HERC2: variants seen among roughly 807,000 people sequenced by gnomAD.
HERC2 encodes HECT and RLD domain containing E3 ubiquitin protein ligase 2.
In HERC2, 102 loss-of-function variants were observed where a neutral mutation model predicts 537.7. That is an observed-to-expected ratio of 0.19 (90% CI 0.16 to 0.22). The LOEUF (loss-of-function observed/expected upper bound fraction) is 0.22, where lower values mean the gene tolerates loss of function less well. HERC2 is among the 10% of genes least tolerant of loss of function. The probability of loss-of-function intolerance (pLI) is 1.00; values close to 1 mark genes in which losing one functional copy is unlikely to be tolerated. For synonymous variants in HERC2, 2,224 were observed against 2,466.2 expected (o/e 0.90, Z 2.91); for missense variants, 4,236 against 6,198.2 (o/e 0.68, Z 10.63).
intron 68 of HERC2, among the ~76,000 whole-genome samples, chr15:28,164,745 C>A (rs1016239204): frequency 3.9e-5 from 6 of 152,096 alleles, no homozygotes; most frequent in Non-Finnish European, 7.4e-5. Flanking sequence ...CTGGATAATG[C>A]CTATGTCTCA....
At position 28,265,089 on chromosome 15, in the gene HERC2, G is replaced by C. The variant is rs2075524820; in HGVS notation, c.1870+529C>G. 1.3e-5 allele frequency among the ~76,000 whole-genome samples: 2 copies of C among 152,086 alleles called. No individual in the cohort carries two copies. Among genetic ancestry groups the C allele is most frequent in the South Asian group, 4.1e-4 (2 of 4,828 alleles). ...ACTCCACAACGCCAGAGACACACAA[G>C]ATGCCAAGGACAGACCACCACAATA... On this transcript the variant is annotated intron_variant, in intron 14 of 92. Coordinates refer to ENST00000261609, the MANE Select transcript of HERC2 (RefSeq NM_004667.6). This position sits in a 1 kb window ranked among gnomAD's most constrained non-coding sequence, Gnocchi z 4.0.
At chr15:28,304,819 C>T (rs1288719007) in intron 2 of HERC2, among the ~76,000 whole-genome samples, 4 of 136,012 alleles carry the variant, frequency 2.9e-5, no homozygotes, top group Non-Finnish European at 4.7e-5. Context: ...ACTAACTCGT[C>T]ATCTAGCATT....
chr15:28,169,653 C>A lies in HERC2; in HGVS notation c.10060G>T (p.Val3354Leu). 1.2e-6 allele frequency: 2 copies of A among 1,601,682 alleles called. No homozygotes were observed. The highest frequency in any genetic ancestry group is 1.7e-6 in the Non-Finnish European group (2 of 1,175,916). ...GCAGAAGAATCAGCATCTGAAGGCA[C>A]GCCTATAAGAGGAAAATAAAATTTG... ...RDPLGASYLG[V>L]PSDADSSAAS... Residue 3354 changes from valine to leucine, a missense_variant and splice_region_variant, in exon 66 of 93, where the codon GTG (valine) becomes TTG (leucine). By Grantham distance (32) the Val-to-Leu change is conservative (BLOSUM62 1). Coordinates refer to ENST00000261609, the MANE Select transcript of HERC2 (RefSeq NM_004667.6).
At chr15:28,143,687 C>G (rs1891453158) in intron 74 of HERC2, among the ~76,000 whole-genome samples, 186 bp downstream of exon 74, 1 of 152,018 alleles carries the variant, frequency 6.6e-6, no homozygotes, top group Non-Finnish European at 1.5e-5. Flanking sequence ...ACCTCGTGAT[C>G]CGCCCACCTC....
In HERC2 at chr15:28,269,231, G is replaced by A. The variant is rs1246402971; in HGVS notation, c.1446+17C>T. On this transcript the variant is annotated intron_variant, in intron 11 of 92. Transcript: ENST00000261609. ...CCCGCAAGGGAACACTGCAGGCACA[G>A]TGCCCAGAACACTCACCAGCGTGTC... 1.2e-6 allele frequency: 2 copies of A among 1,607,878 alleles called. No individual in the cohort carries two copies. The highest frequency in any genetic ancestry group is 1.7e-4 in the Middle Eastern group (1 of 5,970).
At chr15:28,179,365 G>A in intron 57 of HERC2, 142 bp from the exon 58 acceptor site, 7 of 688,292 alleles carry the variant, frequency 1.0e-5, no homozygotes, top group South Asian at 7.9e-5. Flanking sequence ...CTACATATAC[G>A]ATGGCAGTCC....
chr15:28,290,671 C>G (rs1466870488), intron 4 of HERC2, among the ~76,000 whole-genome samples: 3 of 152,024 alleles, frequency 2.0e-5, no homozygotes, highest in Non-Finnish European at 2.9e-5. Context: ...TTGAAAATCC[C>G]CAAATACTTG....
intron 19 of HERC2, among the ~76,000 whole-genome samples, chr15:28,255,580 C>T (rs1352918961): frequency 6.6e-6 from 1 of 152,118 alleles, no homozygotes; most frequent in African/African-American, 2.4e-5. Context: ...GGGGAGTATC[C>T]TGGCTGCAAG....
At chr15:28,194,324 A>G (rs1373838003) in intron 52 of HERC2, among the ~76,000 whole-genome samples, 1 of 143,874 alleles carries the variant, frequency 7.0e-6, no homozygotes, top group East Asian at 2.2e-4. Context: ...CTCGCCTCCA[A>G]AAGTGCTGGG....
At chr15:28,305,200 G>T (rs1359605593) in intron 2 of HERC2, among the ~76,000 whole-genome samples, 1 of 149,388 alleles carries the variant, frequency 6.7e-6, no homozygotes, top group Admixed American at 6.7e-5. Context: ...CTTTATAGCA[G>T]CATGATTTAT....
chr15:28,214,916 G>A (rs763353828), intron 39 of HERC2, 114 bp from the exon 40 acceptor site: 34 of 836,646 alleles, frequency 4.1e-5, no homozygotes, highest in Middle Eastern at 3.6e-4. Flanking sequence ...ACTGTCACCC[G>A]GGCTGGAGTG....
At chr15:28,156,355 G>A (rs1025778084) in intron 69 of HERC2, among the ~76,000 whole-genome samples, 1 of 152,162 alleles carries the variant, frequency 6.6e-6, no homozygotes, top group Non-Finnish European at 1.5e-5. Flanking sequence ...ACCTTGGGCA[G>A]TATGGCCATT....
At chr15:28,124,345 A>G in intron 84 of HERC2, 111 bp from the exon 85 acceptor site, 2 of 653,722 alleles carry the variant, frequency 3.1e-6, no homozygotes, top group Non-Finnish European at 2.3e-6. Context: ...GAGAAGCACT[A>G]TGGTGTCTGA....
chr15:28,282,866 C>T (rs1487814682), intron 4 of HERC2, among the ~76,000 whole-genome samples: 4 of 151,166 alleles, frequency 2.6e-5, no homozygotes, highest in Admixed American at 6.6e-5. Flanking sequence ...AGGGAGGCGG[C>T]GGTTGCAGTG....
At chr15:28,168,199 G>A (rs1894340964) in intron 67 of HERC2, among the ~76,000 whole-genome samples, 1 of 152,154 alleles carries the variant, frequency 6.6e-6, no homozygotes, top group Non-Finnish European at 1.5e-5. Flanking sequence ...CTGTGAACTT[G>A]ATTTAATGGT....
chr15:28,169,910 C>T (rs937648197), intron 65 of HERC2, among the ~76,000 whole-genome samples: 2 of 152,152 alleles, frequency 1.3e-5, no homozygotes, highest in Non-Finnish European at 2.9e-5. Flanking sequence ...AATGCACTTA[C>T]AACAGTTTAT....
chr15:28,292,155 G>A (rs1230331659), intron 4 of HERC2, among the ~76,000 whole-genome samples: 1 of 150,502 alleles, frequency 6.6e-6, no homozygotes, highest in Non-Finnish European at 1.5e-5. Flanking sequence ...CTTGAACCTG[G>A]GAGGTGGAGA....
At chr15:28,150,174 C>T (rs552458167) in intron 70 of HERC2, among the ~76,000 whole-genome samples, 1 of 151,436 alleles carries the variant, frequency 6.6e-6, no homozygotes, top group South Asian at 2.1e-4. Flanking sequence ...AGTGAAATCA[C>T]GAAAAAAACG....
intron 78 of HERC2, among the ~76,000 whole-genome samples, chr15:28,138,541 A>G (rs1407141565): frequency 6.6e-6 from 1 of 152,036 alleles, no homozygotes; most frequent in Admixed American, 6.5e-5. Context: ...TGTTTACAGC[A>G]TGGTTCACTG....
Sources: gnomAD v4.1 joint callset for allele counts (sites outside exome capture counted in the v4.1 genomes callset) on GRCh38, gnomAD v4.1.1 for gene constraint, Gnocchi (gnomAD v3.1) non-coding constraint, MANE v1.5 for transcripts, NCBI Gene and HGNC (gene_info 2026-07-23, HGNC 2026-07-21) for gene names.